RFX6: variants seen among roughly 807,000 people sequenced by gnomAD.
RFX6 encodes DNA-binding protein RFX6.
RFX6 carries 50 observed loss-of-function variants against 110.8 expected under a neutral mutation model. That is an observed-to-expected ratio of 0.45 (90% CI 0.36 to 0.57). RFX6 has a LOEUF of 0.57. RFX6 is among the 20% of genes least tolerant of loss of function. RFX6 has a pLI of 0.00. For synonymous variants in RFX6, 383 were observed against 411.2 expected, an observed-to-expected ratio of 0.93 and a Z score of 0.83; for missense variants, 990 against 1,127.0, an observed-to-expected ratio of 0.88 and a Z score of 1.74.
chr6:116,928,372 GA>G (rs1247698174), intron 17 of RFX6, among the ~76,000 whole-genome samples: 4 of 152,146 alleles, frequency 2.6e-5, no homozygotes, highest in Non-Finnish European at 5.9e-5. Flanking sequence ...ATCTATACAT[GA>G]AAGTAGTATT....
At chr6:116,888,156 C>A (rs1774739671) in intron 4 of RFX6, among the ~76,000 whole-genome samples, 1 of 152,134 alleles carries the variant, frequency 6.6e-6, no homozygotes, top group Admixed American at 6.6e-5. Flanking sequence ...TGTAAACTAA[C>A]ATCAGGGCTA....
rs1161042565 is a variant in RFX6, at chr6:116,927,147, G to T, written c.2006G>T (p.Gly669Val). The T allele has an allele frequency of 6.2e-7, 1 of 1,613,988 alleles. No homozygotes were observed. Among genetic ancestry groups the T allele is most frequent in the African/African-American group, 1.3e-5 (1 of 74,910 alleles). ...GPMAGRPPSVGPVLSAPSHCS... is the reference protein window; with the variant it reads ...GPMAGRPPSVVPVLSAPSHCS... ...ATGGCAGGGAGGCCCCCAAGTGTGGGCCCAGTACTGTCAGCTCCATCACAC... is the reference window on the plus strand; with the variant it reads ...ATGGCAGGGAGGCCCCCAAGTGTGGTCCCAGTACTGTCAGCTCCATCACAC... Residue 669 changes from glycine to valine, a missense_variant, in exon 17 of 19, where the codon GGC becomes GTC. By Grantham distance (109) the Gly-to-Val change is moderately radical (BLOSUM62 -3). Around this residue, in one of 5 missense-constraint regions of RFX6, gnomAD observed 438 missense variants for 441.9 expected, o/e 0.99. Coordinates refer to ENST00000332958, the MANE Select transcript of RFX6 (RefSeq NM_173560.4).
chr6:116,884,953 C>T (rs1404439213), intron 4 of RFX6: 1 of 151,432 alleles, frequency 6.6e-6, no homozygotes, highest in Non-Finnish European at 1.5e-5. Context: ...AATTAATTTT[C>T]CATATTTAAA....
At position 116,877,667 on chromosome 6, in the gene RFX6, A is replaced by G. The variant is rs1017276144; in HGVS notation, c.224-129A>G. 4.6e-6 allele frequency: 5 copies of G among 1,083,396 alleles called. No homozygotes were observed. In the African/African-American group the frequency reaches 7.9e-5, roughly 17 times the overall value. The allele number at this position is 1,083,396 out of a possible 1,614,324, so 67.1% of individuals were successfully genotyped here. ...GTCAAGTAGAGACCTGACATTTTGC[A>G]TAGCCCCCCTTTCCTCCCCTCCGCC... On this transcript the variant is annotated intron_variant, in intron 1 of 18. Coordinates refer to ENST00000332958, the MANE Select transcript of RFX6 (RefSeq NM_173560.4).
At chr6:116,903,631 C>T (rs1775126044) in intron 6 of RFX6, among the ~76,000 whole-genome samples, 1 of 151,914 alleles carries the variant, frequency 6.6e-6, no homozygotes, top group South Asian at 2.1e-4. Context: ...TAAAGTTTGC[C>T]ACTTACAAAT....
chr6:116,924,640 C>G (rs765778940), intron 14 of RFX6, 29 bp from the exon 15 acceptor site: 2 of 1,597,658 alleles, frequency 1.3e-6, no homozygotes, highest in Admixed American at 1.7e-5. Context: ...TTCACACTGT[C>G]CTCTCCTCAT....
chr6:116,889,920 G>T (rs1774783348), intron 4 of RFX6, among the ~76,000 whole-genome samples: 1 of 151,794 alleles, frequency 6.6e-6, no homozygotes, highest in African/African-American at 2.4e-5. Context: ...CCTATTACAG[G>T]GAGCTTACAT....
chr6:116,914,307 T>G (rs958573988), intron 7 of RFX6, among the ~76,000 whole-genome samples: 3 of 152,216 alleles, frequency 2.0e-5, no homozygotes, highest in Non-Finnish European at 4.4e-5. Context: ...ATACCACATT[T>G]TCTTTATCCA....
intron 4 of RFX6, among the ~76,000 whole-genome samples, chr6:116,892,654 G>A (rs1774857773): frequency 6.6e-6 from 1 of 152,110 alleles, no homozygotes; most frequent in Non-Finnish European, 1.5e-5. Context: ...CCACCACCAT[G>A]TTCCCATATG....
chr6:116,890,113 T>C (rs1434302190), intron 4 of RFX6, among the ~76,000 whole-genome samples: 2 of 152,060 alleles, frequency 1.3e-5, no homozygotes, highest in Non-Finnish European at 2.9e-5. Context: ...TAAATAAAAT[T>C]GCAATACAAA....
chr6:116,894,754 C>T (rs78375552), intron 5 of RFX6, among the ~76,000 whole-genome samples: 5,195 of 151,972 alleles, frequency 0.034, 297 homozygotes, highest in African/African-American at 0.12. Flanking sequence ...TTGCTCTTAG[C>T]TCTTAAAAGA....
chr6:116,918,146 A>G lies in RFX6; in HGVS notation c.1022+60A>G, dbSNP rs980426503. 1.0e-5 allele frequency: 12 copies of G among 1,159,556 alleles called. 1 individual carries two copies. Among genetic ancestry groups the G allele is most frequent in the South Asian group, 2.5e-5 (2 of 80,704 alleles). The allele number at this position is 1,159,556 out of a possible 1,614,324, so 71.8% of individuals were successfully genotyped here. On this transcript the variant is annotated intron_variant, in intron 10 of 18. Coordinates refer to ENST00000332958, the MANE Select transcript of RFX6 (RefSeq NM_173560.4). ...TATAGGATTTAACTTTATACATTAT[A>G]TTAGAAGAAAACATTAGGTAGTAAT...
intron 4 of RFX6, among the ~76,000 whole-genome samples, chr6:116,885,703 C>T (rs1774686141): frequency 6.6e-6 from 1 of 151,046 alleles, no homozygotes; most frequent in African/African-American, 2.5e-5. Context: ...TGATTTTTGA[C>T]ATATAAGTTT....
In RFX6 at chr6:116,918,089, A is replaced by G; in HGVS notation, c.1022+3A>G. 6.3e-7 allele frequency: 1 copy of G among 1,599,108 alleles called. No individual in the cohort carries two copies. On this transcript the variant is annotated splice_donor_region_variant and intron_variant, in intron 10 of 18. Coordinates refer to ENST00000332958, the MANE Select transcript of RFX6 (RefSeq NM_173560.4). Reference sequence around the variant, plus strand: ...ACAATGCAAGAAATGCCTGAAAGGTATGTTCAGTTAATAAAACATGAGCAT... The same window carrying G: ...ACAATGCAAGAAATGCCTGAAAGGTGTGTTCAGTTAATAAAACATGAGCAT...
intron 6 of RFX6, among the ~76,000 whole-genome samples, chr6:116,895,935 A>T (rs1330346452): frequency 2.0e-5 from 3 of 152,326 alleles, no homozygotes; most frequent in African/African-American, 4.8e-5. Flanking sequence ...GCATATTTTA[A>T]GAAATAATAT....
chr6:116,925,804 AT>A, intron 16 of RFX6, 145 bp downstream of exon 16: 1 of 672,636 alleles, frequency 1.5e-6, no homozygotes, highest in Non-Finnish European at 2.6e-6. Context: ...GATTTATAAT[AT>A]TTTTGTGATT....
intron 2 of RFX6, 54 bp downstream of exon 2, chr6:116,878,006 G>A (rs1774503454): frequency 2.0e-6 from 3 of 1,529,176 alleles, no homozygotes; most frequent in African/African-American, 2.7e-5. Context: ...TTAACAGCCA[G>A]CGTCTTCAGG....
intron 7 of RFX6, among the ~76,000 whole-genome samples, chr6:116,912,761 C>T (rs142096039): frequency 7.1e-4 from 108 of 152,214 alleles, no homozygotes; most frequent in South Asian, 4.6e-3. Context: ...AAACAGGCTC[C>T]AATAGTTTAC....
At chr6:116,913,116 A>T (rs1205006781) in intron 7 of RFX6, among the ~76,000 whole-genome samples, 1 of 151,952 alleles carries the variant, frequency 6.6e-6, no homozygotes, top group Non-Finnish European at 1.5e-5. Flanking sequence ...CCCAGGCTGG[A>T]GTGCAGTGGC....
Sources: allele counts gnomAD v4.1 joint callset (sites outside exome capture counted in the v4.1 genomes callset), GRCh38; gene constraint gnomAD v4.1.1; regional missense constraint gnomAD v4.1.1; transcripts MANE v1.5; gene names NCBI Gene and HGNC (gene_info 2026-07-23, HGNC 2026-07-21).